TMTC1: variants seen among roughly 807,000 people sequenced by gnomAD.
TMTC1 encodes the protein protein O-mannosyl-transferase TMTC1.
A neutral mutation model predicts 104.8 loss-of-function variants in TMTC1; 73 were observed. The observed-to-expected ratio is 0.70, with a 90% confidence interval of 0.58 to 0.85. The LOEUF is 0.85. TMTC1 is among the 40% of genes least tolerant of loss of function. The probability of loss-of-function intolerance (pLI) is 0.00; values close to 1 mark genes in which losing one functional copy is unlikely to be tolerated. For missense variants in TMTC1, 1,035 were observed against 1,096.1 expected (o/e 0.94, Z 0.79); for synonymous variants, 434 against 428.7 (o/e 1.01, Z -0.15).
At chr12:29,675,279 T>G (rs1264274333) in intron 5 of TMTC1, among the ~76,000 whole-genome samples, 1 of 147,774 alleles carries the variant, frequency 6.8e-6, no homozygotes, top group Non-Finnish European at 1.5e-5. Flanking sequence ...TGTCCTAAAC[T>G]TAACTCAAGT....
chr12:29,536,012 C>T, intron 11 of TMTC1, 197 bp downstream of exon 11: 1 of 559,114 alleles, frequency 1.8e-6, no homozygotes, highest in South Asian at 2.3e-5. Flanking sequence ...CCATCTTTGT[C>T]TAAAAGCGAC....
At chr12:29,769,224 A>G (rs1943542169) in intron 1 of TMTC1, among the ~76,000 whole-genome samples, 1 of 152,216 alleles carries the variant, frequency 6.6e-6, no homozygotes, top group Non-Finnish European at 1.5e-5. Context: ...TTATTTGGAC[A>G]TATGAATGCA....
At chr12:29,722,646 G>A (rs749599363) in intron 5 of TMTC1, among the ~76,000 whole-genome samples, 81 of 152,232 alleles carry the variant, frequency 5.3e-4, no homozygotes, top group Admixed American at 1.8e-3. Flanking sequence ...TAGGCCGGGC[G>A]CAGTGGCTCA....
chr12:29,744,993 A>G (rs543179782), intron 5 of TMTC1, among the ~76,000 whole-genome samples: 97 of 152,104 alleles, frequency 6.4e-4, no homozygotes, highest in African/African-American at 1.9e-3. Context: ...TGGTGTGATC[A>G]TGGCTCACTA....
intron 11 of TMTC1, among the ~76,000 whole-genome samples, chr12:29,528,676 A>C (rs183977340): frequency 2.6e-5 from 4 of 152,328 alleles, no homozygotes; most frequent in African/African-American, 9.6e-5. Context: ...CCAATAACTC[A>C]AATGACAAAT....
At chr12:29,693,710 A>AT (rs943786713) in intron 5 of TMTC1, among the ~76,000 whole-genome samples, 2 of 152,306 alleles carry the variant, frequency 1.3e-5, no homozygotes, top group East Asian at 1.9e-4. Context: ...TACTAGTATC[A>AT]TTTTTTATAT....
chr12:29,675,689 T>C (rs7316021), intron 5 of TMTC1, among the ~76,000 whole-genome samples: 117,882 of 151,928 alleles, frequency 0.78, 46,623 homozygotes, highest in African/African-American at 0.92. Flanking sequence ...AGTGTTTCTC[T>C]GGTGGAAGAT....
At chr12:29,765,686 C>T (rs1047509059) in intron 2 of TMTC1, among the ~76,000 whole-genome samples, 5 of 151,966 alleles carry the variant, frequency 3.3e-5, no homozygotes, top group African/African-American at 4.8e-5. Flanking sequence ...TAAAAAATCA[C>T]CTCTTAATAA....
intron 10 of TMTC1, among the ~76,000 whole-genome samples, chr12:29,556,454 C>A (rs915188131): frequency 6.6e-6 from 1 of 152,212 alleles, no homozygotes; most frequent in African/African-American, 2.4e-5. Flanking sequence ...TCCCTCCACA[C>A]ACACACAAAG....
rs1168527709 is a variant in TMTC1 at position 29,518,537 on chromosome 12, C to G, written c.1959G>C (p.Met653Ile). 6.2e-7 allele frequency: 1 copy of G among 1,613,982 alleles called. No individual in the cohort carries two copies. Among genetic ancestry groups the G allele is most frequent in the Non-Finnish European group, 8.5e-7 (1 of 1,180,002 alleles). ...ACCTGTAGAGTCTTCCCAAGTTCAC[C>G]ATGGCCACGTGATGACTGGGGCTAA... ...IKLSPSHHVAMVNLGRLYRSL... is the reference protein window; with the variant it reads ...IKLSPSHHVAIVNLGRLYRSL... Residue 653 changes from methionine to isoleucine, a missense_variant, in exon 13 of 18, where the codon ATG becomes ATC. By Grantham distance (10) the Met-to-Ile change is conservative. Coordinates refer to ENST00000539277, the MANE Select transcript of TMTC1 (RefSeq NM_001193451.2).
At chr12:29,642,974 A>G (rs752944417) in intron 5 of TMTC1, among the ~76,000 whole-genome samples, 10 of 152,046 alleles carry the variant, frequency 6.6e-5, no homozygotes, top group Non-Finnish European at 1.5e-4. Context: ...CCCATCAAAA[A>G]GTGGGTTAAG....
chr12:29,557,065 G>A, intron 9 of TMTC1, 65 bp from the exon 10 acceptor site: 2 of 1,565,908 alleles, frequency 1.3e-6, no homozygotes, highest in Non-Finnish European at 1.7e-6. Flanking sequence ...CAACTTGCTT[G>A]TTCTTCTTCC....
chr12:29,567,235 C>A (rs1945541339), intron 9 of TMTC1, among the ~76,000 whole-genome samples: 1 of 152,116 alleles, frequency 6.6e-6, no homozygotes, highest in Admixed American at 6.6e-5. Flanking sequence ...CAAATCTTTG[C>A]CTTGGATTCT....
intron 7 of TMTC1, among the ~76,000 whole-genome samples, chr12:29,599,048 G>T (rs2136382816): frequency 6.6e-6 from 1 of 152,184 alleles, no homozygotes; most frequent in South Asian, 2.1e-4. Context: ...TTGCTCTTTG[G>T]CACTGAAGTG....
intron 5 of TMTC1, among the ~76,000 whole-genome samples, chr12:29,655,538 C>T (rs151065434): frequency 3.9e-5 from 6 of 152,204 alleles, no homozygotes; most frequent in African/African-American, 1.4e-4. Context: ...TGTTGTATTC[C>T]TCTCAGTTTG....
intron 5 of TMTC1, among the ~76,000 whole-genome samples, chr12:29,737,003 G>A (rs192068019): frequency 1.3e-4 from 20 of 152,288 alleles, no homozygotes; most frequent in African/African-American, 4.3e-4. Context: ...CCTCTATCCC[G>A]CAACAGCTAG....
In TMTC1 at chr12:29,539,057, A is replaced by C. The variant is rs117243795; in HGVS notation, c.1677-2740T>G. ...GTGGTGATTTGTTATTGTTTCTAAA[A>C]GGGAGAGGAATGAAGAGAATATTTC... On this transcript the variant is annotated intron_variant, in intron 10 of 17. Coordinates refer to ENST00000539277, the MANE Select transcript of TMTC1 (RefSeq NM_001193451.2). 4.3e-4 allele frequency among the ~76,000 whole-genome samples: 66 copies of C among 152,304 alleles called. 1 individual carries two copies. The East Asian group carries it at 8.5e-3, about 20-fold the overall frequency.
In TMTC1 at chr12:29,565,981, C is replaced by CCTT. The variant is rs1350749154; in HGVS notation, c.1532+6123_1532+6124insAAG. The stretch of plus-strand genomic sequence containing the variant: ...GGATAAGGACAAAGATTTCTGCTTT[C>CCTT]ATGCAGTTTACTGGGTAGAGGAGGG... On this transcript the variant is annotated intron_variant, in intron 9 of 17. Coordinates refer to ENST00000539277, the MANE Select transcript of TMTC1 (RefSeq NM_001193451.2). Among the ~76,000 whole-genome samples the CCTT allele has an allele frequency of 2.0e-5, 3 of 152,312 alleles. No individual in the cohort carries two copies. In the East Asian group the frequency reaches 5.8e-4, roughly 29 times the overall value.
chr12:29,626,015 T>C (rs558490649), intron 6 of TMTC1, among the ~76,000 whole-genome samples: 1 of 152,224 alleles, frequency 6.6e-6, no homozygotes, highest in Non-Finnish European at 1.5e-5. Flanking sequence ...TTTAGATATA[T>C]GTCTTACAAG....
Sources: gnomAD v4.1 joint callset for allele counts (sites outside exome capture counted in the v4.1 genomes callset) on GRCh38, gnomAD v4.1.1 for gene constraint, MANE v1.5 for transcripts, NCBI Gene and HGNC (gene_info 2026-07-23, HGNC 2026-07-21) for gene names.